RPS14: variants seen among roughly 807,000 people sequenced by gnomAD.
The protein encoded by RPS14 is ribosomal protein S14.
RPS14 carries 1 observed loss-of-function variant against 15.4 expected under a neutral mutation model. The observed-to-expected ratio is 0.07, with a 90% CI of 0.02 to 0.31. The LOEUF is 0.31. RPS14 is among the 10% of genes least tolerant of loss of function. The probability of loss-of-function intolerance (pLI) is 1.00; values close to 1 mark genes in which losing one functional copy is unlikely to be tolerated. For missense variants in RPS14, 69 were observed against 205.5 expected (o/e 0.34, Z 4.06); for synonymous variants, 68 against 74.4 (o/e 0.91, Z 0.44).
intron 2 of RPS14, 86 bp from the exon 3 acceptor site, chr5:150,447,049 A>C: frequency 3.3e-6 from 5 of 1,503,588 alleles, no homozygotes; most frequent in Non-Finnish European, 4.5e-6. Context: ...AACACAGCTC[A>C]GTCATGGTGG....
chr5:150,443,950 C>T lies in RPS14; in HGVS notation c.*336G>A. The T allele has an allele frequency of 5.6e-6, 1 of 179,628 alleles. No individual in the cohort carries two copies. Among genetic ancestry groups the T allele is most frequent in the Admixed American group, 6.1e-5 (1 of 16,348 alleles). 11.1% of individuals were successfully genotyped at this position (179,628 alleles called of 1,614,324 possible). A position where few individuals can be genotyped will look rare whatever the true frequency, so the allele number is the denominator to read the frequency against. On this transcript the variant is annotated 3_prime_UTR_variant, in exon 5 of 5. Coordinates refer to ENST00000407193, the MANE Select transcript of RPS14 (RefSeq NM_005617.4). Reference sequence around the variant, plus strand: ...TATATGGCATGGGTCTGGAAGGCTCCTCTTTCGCTTCAGGCTACACTTGGA... The same window carrying T: ...TATATGGCATGGGTCTGGAAGGCTCTTCTTTCGCTTCAGGCTACACTTGGA...
At position 150,443,314 on chromosome 5, in the gene RPS14, C is replaced by T. The variant is rs1770994795; in HGVS notation, c.*972G>A. 6.6e-6 allele frequency: 1 copy of T among 152,104 alleles called. No individual in the cohort carries two copies. The highest frequency in any genetic ancestry group is 1.9e-4 in the East Asian group (1 of 5,190). 9.4% of individuals were successfully genotyped at this position (152,104 alleles called of 1,614,324 possible). ...CTCCTAATGCTATCCCTCCCGCCTC[C>T]CCAGGAGTACTGTTATTTCATCAGG... On this transcript the variant is annotated 3_prime_UTR_variant, in exon 5 of 5. Coordinates refer to ENST00000407193, the MANE Select transcript of RPS14 (RefSeq NM_005617.4).
chr5:150,447,312 C>T (rs1771130188), intron 2 of RPS14: 2 of 543,500 alleles, frequency 3.7e-6, no homozygotes, highest in African/African-American at 3.8e-5. Flanking sequence ...ACTTGCAGTC[C>T]ACTGCTGCTC....
chr5:150,447,928 C>A (rs1771153378), intron 1 of RPS14, 193 bp from the exon 2 acceptor site: 2 of 602,796 alleles, frequency 3.3e-6, no homozygotes, highest in Non-Finnish European at 5.8e-6. Flanking sequence ...TCAACTGTGG[C>A]CACATGGCAA....
chr5:150,443,753 A>G lies in RPS14; in HGVS notation c.*533T>C, dbSNP rs1187152068. ...CAAGAACTTTTCTTTTTTATCGCTG[A>G]TGAAAATAGGACTTGGTGTGTATTT... On this transcript the variant is annotated 3_prime_UTR_variant, in exon 5 of 5. Transcript: ENST00000407193. 2 of 152,210 alleles carry G rather than the reference A, an allele frequency of 1.3e-5. No individual in the cohort carries two copies. Among genetic ancestry groups the G allele is most frequent in the African/African-American group, 2.4e-5 (1 of 41,438 alleles). 9.4% of individuals were successfully genotyped at this position (152,210 alleles called of 1,614,324 possible).
intron 1 of RPS14, chr5:150,449,455 C>T (rs1209425655): frequency 6.6e-6 from 1 of 152,194 alleles, no homozygotes; most frequent in African/African-American, 2.4e-5. Context: ...ATTGCGGGGC[C>T]GAGGCCTTAA....
chr5:150,447,863 T>C (rs942859066), intron 1 of RPS14, 128 bp from the exon 2 acceptor site: 268 of 1,046,360 alleles, frequency 2.6e-4, no homozygotes, highest in Middle Eastern at 8.5e-4. Flanking sequence ...TACTCTACTG[T>C]ATTCTCTCAT....
intron 1 of RPS14, 32 bp from the exon 2 acceptor site, chr5:150,447,767 C>G (rs1157071601): frequency 1.9e-6 from 3 of 1,604,632 alleles, no homozygotes; most frequent in Non-Finnish European, 1.7e-6. Flanking sequence ...TCAAGGTTAA[C>G]AGACAAAACA....
intron 4 of RPS14, among the ~76,000 whole-genome samples, chr5:150,444,875 C>A (rs887568516): frequency 7.9e-6 from 1 of 126,586 alleles, no homozygotes; most frequent in African/African-American, 2.6e-5. Flanking sequence ...AAAAAAAAGC[C>A]CGGTGTGGCA....
intron 1 of RPS14, 53 bp from the exon 2 acceptor site, chr5:150,447,788 C>A (rs1771146770): frequency 6.3e-7 from 1 of 1,580,218 alleles, no homozygotes; most frequent in South Asian, 1.1e-5. Flanking sequence ...TTTCCAGAAT[C>A]CCTTTCCCCT....
chr5:150,445,335 T>G, intron 4 of RPS14: 1 of 598,664 alleles, frequency 1.7e-6, no homozygotes, highest in Non-Finnish European at 3.0e-6. Flanking sequence ...ACCTCAAGAA[T>G]GGAGGAAAGG....
At chr5:150,448,100 C>A (rs2151201700) in intron 1 of RPS14, 1 of 186,612 alleles carries the variant, frequency 5.4e-6, no homozygotes. Context: ...TGGTACCATT[C>A]CTAACACCCT....
chr5:150,444,541 G>A (rs530889181), intron 4 of RPS14, 188 bp from the exon 5 acceptor site: 1 of 678,236 alleles, frequency 1.5e-6, no homozygotes, highest in East Asian at 2.8e-5. Flanking sequence ...TCCTGACGTG[G>A]TCTTAACTCA....
At chr5:150,444,588 G>T (rs1365888502) in intron 4 of RPS14, 2 of 670,298 alleles carry the variant, frequency 3.0e-6, no homozygotes, top group South Asian at 1.5e-5. Context: ...CTGTGCGCAA[G>T]ATGTCAGAGG....
At chr5:150,445,747 C>G (rs1037345727) in intron 3 of RPS14, 62 bp from the exon 4 acceptor site, 29 of 1,323,098 alleles carry the variant, frequency 2.2e-5, no homozygotes, top group Non-Finnish European at 3.1e-5. Context: ...GATCTCCTTT[C>G]TAAGATCCCA....
chr5:150,449,393 G>A (rs1771203463), intron 1 of RPS14: 1 of 152,088 alleles, frequency 6.6e-6, no homozygotes, highest in African/African-American at 2.4e-5. Context: ...CGTCTGTCCC[G>A]GGTTCCCTCA....
intron 3 of RPS14, 124 bp from the exon 4 acceptor site, chr5:150,445,809 G>A (rs1032719038): frequency 4.8e-5 from 36 of 756,304 alleles, no homozygotes; most frequent in Non-Finnish European, 7.4e-5. Context: ...GCCAGACAGG[G>A]CTGTACACAG....
At position 150,443,831 on chromosome 5, in the gene RPS14, G is replaced by A. The variant is rs2545347; in HGVS notation, c.*455C>T. The A allele has an allele frequency of 0.075, 11,408 of 152,722 alleles. 734 individuals carry two copies. The highest frequency in any genetic ancestry group is 0.17 in the African/African-American group (6,930 of 41,514). The allele number at this position is 152,722 out of a possible 1,614,324, so 9.5% of individuals were successfully genotyped here. The stretch of plus-strand genomic sequence containing the variant: ...TGTACTGATGTGGAACAATCTCCAA[G>A]ATCTGCCAAGTGAAAAAAAGCAAGA... On this transcript the variant is annotated 3_prime_UTR_variant, in exon 5 of 5. Transcript: ENST00000407193.
At chr5:150,447,795 C>T in intron 1 of RPS14, 60 bp from the exon 2 acceptor site, 1 of 1,564,338 alleles carries the variant, frequency 6.4e-7, no homozygotes. Flanking sequence ...AATCCCTTTC[C>T]CCTGGCTATT....
Sources: allele counts gnomAD v4.1 joint callset (sites outside exome capture counted in the v4.1 genomes callset), GRCh38; gene constraint gnomAD v4.1.1; transcripts MANE v1.5; gene names NCBI Gene and HGNC (gene_info 2026-07-23, HGNC 2026-07-21).